GPR158: variants seen among roughly 807,000 people sequenced by gnomAD.
The protein encoded by GPR158 is G protein-coupled receptor 158, also known as metabotropic glycine receptor.
In GPR158, 30 loss-of-function variants were observed where a neutral mutation model predicts 78.2. The ratio of observed to expected loss-of-function variants is 0.38; its 90% CI spans 0.29 to 0.52. GPR158 has a LOEUF of 0.52. GPR158 is among the 20% of genes least tolerant of loss of function. The probability of loss-of-function intolerance (pLI) is 0.83; values close to 1 mark genes in which losing one functional copy is unlikely to be tolerated. For synonymous variants in GPR158, 581 were observed against 591.1 expected, an observed-to-expected ratio of 0.98 and a Z score of 0.25; for missense variants, 1,463 against 1,523.5, an observed-to-expected ratio of 0.96 and a Z score of 0.66.
intron 3 of GPR158, among the ~76,000 whole-genome samples, chr10:25,409,450 T>C (rs1293623374): frequency 1.3e-5 from 2 of 152,220 alleles, no homozygotes; most frequent in Non-Finnish European, 2.9e-5. Context: ...AAAGGCCTTC[T>C]TCACTCTCAA....
chr10:25,566,965 C>A (rs79683271), intron 6 of GPR158, among the ~76,000 whole-genome samples: 2 of 151,924 alleles, frequency 1.3e-5, no homozygotes, highest in Non-Finnish European at 2.9e-5. Flanking sequence ...TTTACTCTTA[C>A]GAGAAGTGTC....
intron 2 of GPR158, among the ~76,000 whole-genome samples, chr10:25,362,928 C>G (rs1855662681): frequency 6.6e-6 from 1 of 151,720 alleles, no homozygotes. Context: ...CTTTTGTTTA[C>G]TGATTTTATG....
intron 8 of GPR158, among the ~76,000 whole-genome samples, chr10:25,591,318 T>A (rs1837337455): frequency 2.0e-5 from 3 of 152,146 alleles, no homozygotes; most frequent in Admixed American, 2.0e-4. Flanking sequence ...TGACATTTGA[T>A]AACAGCATCC....
intron 2 of GPR158, among the ~76,000 whole-genome samples, chr10:25,280,785 G>C (rs1167655336): frequency 1.3e-5 from 2 of 152,100 alleles, no homozygotes; most frequent in Non-Finnish European, 2.9e-5. Context: ...AAACGAATCT[G>C]AATCAACACA....
intron 5 of GPR158, among the ~76,000 whole-genome samples, chr10:25,526,811 G>GGACT (rs1836352604): frequency 6.6e-6 from 1 of 152,158 alleles, no homozygotes; most frequent in Non-Finnish European, 1.5e-5. Flanking sequence ...TAAGATTGAT[G>GGACT]GACTGGCTTG....
chr10:25,414,676 G>C (rs529417782), intron 4 of GPR158, among the ~76,000 whole-genome samples: 1 of 152,186 alleles, frequency 6.6e-6, no homozygotes, highest in Non-Finnish European at 1.5e-5. Flanking sequence ...GATTTCCTGT[G>C]TCTTTGCAAC....
chr10:25,302,068 T>C (rs967589482), intron 2 of GPR158, among the ~76,000 whole-genome samples: 1 of 91,524 alleles, frequency 1.1e-5, no homozygotes, highest in Non-Finnish European at 1.9e-5. Context: ...AATTTGTTCC[T>C]TTTTTTTTTT....
In GPR158 at chr10:25,346,174, A is replaced by G. The variant is rs1588813142; in HGVS notation, c.1009-49737A>G. ...AATTACCTGTAATAAAAGAGTATCA[A>G]ATAGCCATATGTTAGGTTCTTACTG... On this transcript the variant is annotated intron_variant, in intron 2 of 10. Coordinates refer to ENST00000376351, the MANE Select transcript of GPR158 (RefSeq NM_020752.3). Among the ~76,000 whole-genome samples the G allele has an allele frequency of 6.6e-5, 10 of 152,038 alleles. 2 individuals carry two copies. The South Asian group carries it at 2.1e-3, about 32-fold the overall frequency.
chr10:25,291,490 G>A (rs990638806), intron 2 of GPR158, among the ~76,000 whole-genome samples: 2 of 151,878 alleles, frequency 1.3e-5, no homozygotes, highest in African/African-American at 4.8e-5. Context: ...TCACTCTAAT[G>A]TCAAATATAG....
intron 5 of GPR158, among the ~76,000 whole-genome samples, chr10:25,527,970 A>T (rs866862600): frequency 6.6e-6 from 1 of 152,124 alleles, no homozygotes; most frequent in Non-Finnish European, 1.5e-5. Flanking sequence ...TGAAAAATAC[A>T]ACTTACTAAA....
intron 2 of GPR158, among the ~76,000 whole-genome samples, chr10:25,393,270 G>A (rs1281792872): frequency 6.6e-6 from 1 of 152,120 alleles, no homozygotes; most frequent in East Asian, 1.9e-4. Context: ...GCAGTGCTGA[G>A]TCATATCATC....
intron 6 of GPR158, among the ~76,000 whole-genome samples, chr10:25,555,588 C>T (rs1836778123): frequency 6.6e-6 from 1 of 151,992 alleles, no homozygotes; most frequent in South Asian, 2.1e-4. Flanking sequence ...TCAGAATAGC[C>T]AGATATATTT....
intron 4 of GPR158, 93 bp from the exon 5 acceptor site, chr10:25,466,558 T>C: frequency 4.2e-6 from 3 of 714,612 alleles, no homozygotes. Context: ...CAAAGAATGC[T>C]GTCCTACTGC....
chr10:25,272,109 C>T (rs1001566983), intron 2 of GPR158, among the ~76,000 whole-genome samples: 7 of 152,064 alleles, frequency 4.6e-5, no homozygotes, highest in African/African-American at 1.7e-4. Flanking sequence ...GTAGTGAGAG[C>T]CTCTGATCCT....
At chr10:25,408,035 A>G (rs1834537332) in intron 3 of GPR158, among the ~76,000 whole-genome samples, 1 of 152,160 alleles carries the variant, frequency 6.6e-6, no homozygotes, top group Non-Finnish European at 1.5e-5. Context: ...TGCTTATCCC[A>G]TCTCAGAGAA....
intron 4 of GPR158, among the ~76,000 whole-genome samples, chr10:25,427,988 A>G (rs1405516251): frequency 1.3e-5 from 2 of 152,036 alleles, no homozygotes; most frequent in Admixed American, 1.3e-4. Flanking sequence ...AAATAACAAA[A>G]TTAACATCAT....
intron 2 of GPR158, among the ~76,000 whole-genome samples, chr10:25,224,608 A>G (rs1045499556): frequency 2.6e-5 from 4 of 152,146 alleles, no homozygotes; most frequent in African/African-American, 9.6e-5. Flanking sequence ...TCTTAGTTTA[A>G]TACTTAGTAA....
chr10:25,270,100 A>C (rs1369351688), intron 2 of GPR158, among the ~76,000 whole-genome samples: 1 of 152,180 alleles, frequency 6.6e-6, no homozygotes, highest in East Asian at 1.9e-4. Context: ...GTAGACCTTG[A>C]GGACACACAG....
At chr10:25,567,127 A>C (rs561995180) in intron 6 of GPR158, among the ~76,000 whole-genome samples, 1 of 152,096 alleles carries the variant, frequency 6.6e-6, no homozygotes, top group Non-Finnish European at 1.5e-5. Context: ...TTGAGGATAT[A>C]TATTTTCATT....
Sources: allele counts gnomAD v4.1 joint callset (sites outside exome capture counted in the v4.1 genomes callset), GRCh38; gene constraint gnomAD v4.1.1; transcripts MANE v1.5; gene names NCBI Gene and HGNC (gene_info 2026-07-23, HGNC 2026-07-21).